The following FSHR variants were observed in gnomAD, a reference collection of about 807,000 sequenced individuals.
The protein encoded by FSHR is follicle stimulating hormone receptor, also known as follicle-stimulating hormone receptor.
In FSHR, 46 loss-of-function variants were observed where a neutral mutation model predicts 52.1. The ratio of observed to expected loss-of-function variants is 0.88; its 90% confidence interval spans 0.70 to 1.13. The LOEUF is 1.13. FSHR is among the 50% of genes most tolerant of loss of function. The probability of loss-of-function intolerance (pLI) is 0.00; values close to 1 mark genes in which losing one functional copy is unlikely to be tolerated. For synonymous variants in FSHR, 399 were observed against 309.6 expected, an observed-to-expected ratio of 1.29 and a Z score of -3.03; for missense variants, 964 against 834.6, an observed-to-expected ratio of 1.16 and a Z score of -1.91.
At chr2:49,084,384 G>C (rs1443993210) in intron 1 of FSHR, among the ~76,000 whole-genome samples, 1 of 152,114 alleles carries the variant, frequency 6.6e-6, no homozygotes, top group Non-Finnish European at 1.5e-5. Flanking sequence ...ATGCCCACAA[G>C]AGAAAGTAGG....
At chr2:49,061,705 ATT>A (rs1408481606) in intron 2 of FSHR, among the ~76,000 whole-genome samples, 2 of 140,252 alleles carry the variant, frequency 1.4e-5, no homozygotes, top group East Asian at 2.0e-4. Flanking sequence ...ATTTATATAT[ATT>A]ATATATAACT....
chr2:49,082,373 A>G (rs1196757784), intron 1 of FSHR, among the ~76,000 whole-genome samples: 3 of 152,196 alleles, frequency 2.0e-5, no homozygotes, highest in Non-Finnish European at 4.4e-5. Flanking sequence ...GACCAAAAGT[A>G]GATAAAACCA....
chr2:49,027,850 CAAAAA>C (rs397868435), intron 2 of FSHR, among the ~76,000 whole-genome samples: 3 of 49,978 alleles, frequency 6.0e-5, no homozygotes, highest in Admixed American at 4.4e-4. Context: ...ACTCTTTCTC[CAAAAA>C]AAAAAAAAAA....
intron 1 of FSHR, among the ~76,000 whole-genome samples, chr2:49,141,713 A>C (rs1672694311): frequency 6.6e-6 from 1 of 152,180 alleles, no homozygotes; most frequent in Non-Finnish European, 1.5e-5. Flanking sequence ...GAGACAAAAT[A>C]ATACATAAGT....
intron 2 of FSHR, among the ~76,000 whole-genome samples, chr2:49,036,013 C>CT (rs1267573824): frequency 6.6e-6 from 1 of 152,220 alleles, no homozygotes; most frequent in Non-Finnish European, 1.5e-5. Flanking sequence ...TACTCCCTTT[C>CT]TTTCTTCTCA....
intron 1 of FSHR, among the ~76,000 whole-genome samples, chr2:49,145,021 G>T (rs1672819628): frequency 6.6e-6 from 1 of 152,028 alleles, no homozygotes; most frequent in Non-Finnish European, 1.5e-5. Flanking sequence ...GATTAGCTCT[G>T]GTCTTTTACT....
chr2:49,011,187 C>T (rs966803270), intron 4 of FSHR, among the ~76,000 whole-genome samples: 1 of 151,010 alleles, frequency 6.6e-6, no homozygotes, highest in African/African-American at 2.4e-5. Flanking sequence ...TTTCCCTCTA[C>T]ACACTGCTTT....
intron 1 of FSHR, among the ~76,000 whole-genome samples, chr2:49,148,518 G>A (rs964555087): frequency 1.1e-4 from 16 of 151,914 alleles, no homozygotes; most frequent in Non-Finnish European, 2.1e-4. Flanking sequence ...AATACACATC[G>A]TATTGAACCA....
chr2:48,982,030 T>C (rs918244246), intron 8 of FSHR, among the ~76,000 whole-genome samples: 3 of 152,230 alleles, frequency 2.0e-5, no homozygotes, highest in Non-Finnish European at 4.4e-5. Flanking sequence ...TTTCTTCATC[T>C]TGAAGTACTT....
At chr2:48,974,049 G>A (rs1482430250) in intron 8 of FSHR, among the ~76,000 whole-genome samples, 2 of 151,680 alleles carry the variant, frequency 1.3e-5, no homozygotes, top group African/African-American at 4.9e-5. Flanking sequence ...AAAATGAGAG[G>A]CTGGAGAAAA....
chr2:49,066,816 T>A (rs537007148), intron 2 of FSHR, among the ~76,000 whole-genome samples: 74 of 152,258 alleles, frequency 4.9e-4, no homozygotes, highest in African/African-American at 1.8e-3. Context: ...AATGCCTGTC[T>A]TTAGAATTCT....
At chr2:49,113,076 C>T (rs567945459) in intron 1 of FSHR, among the ~76,000 whole-genome samples, 56 of 152,194 alleles carry the variant, frequency 3.7e-4, no homozygotes, top group African/African-American at 1.3e-3. Context: ...GCCAGGGCAG[C>T]GCTCTAGAGG....
At chr2:48,981,852 A>G (rs1675261346) in intron 8 of FSHR, among the ~76,000 whole-genome samples, 1 of 152,214 alleles carries the variant, frequency 6.6e-6, no homozygotes, top group Non-Finnish European at 1.5e-5. Context: ...ATGGTAGCCT[A>G]TGCTAACTGC....
chr2:49,060,829 A>G (rs941033490), intron 2 of FSHR, among the ~76,000 whole-genome samples: 4 of 152,060 alleles, frequency 2.6e-5, no homozygotes, highest in African/African-American at 9.7e-5. Context: ...CCCGGCCCAA[A>G]CTAGAGCTGT....
intron 1 of FSHR, among the ~76,000 whole-genome samples, chr2:49,073,373 T>G (rs909843167): frequency 3.9e-5 from 6 of 151,982 alleles, no homozygotes; most frequent in Non-Finnish European, 7.4e-5. Context: ...GTGGGATAAA[T>G]TAATATACAA....
chr2:48,962,956 T>C lies in FSHR; in HGVS notation c.1865A>G (p.Asn622Ser). 6.2e-7 allele frequency: 1 copy of C among 1,613,944 alleles called. No individual in the cohort carries two copies. The highest frequency in any genetic ancestry group is 8.5e-7 in the Non-Finnish European group (1 of 1,179,990). Reference sequence around the variant, plus strand: ...GGTAAAGATGGCATAGAGGAAGGGGTTGGCACAGGAGTTGATGGGGTGAAA... The same window carrying C: ...GGTAAAGATGGCATAGAGGAAGGGGCTGGCACAGGAGTTGATGGGGTGAAA... ...VLFHPINSCA[N>S]PFLYAIFTKN... Residue 622 changes from asparagine (N) to serine (S), a missense_variant, in exon 10 of 10, where the codon AAC becomes AGC. Coordinates refer to ENST00000406846, the MANE Select transcript of FSHR (RefSeq NM_000145.4).
intron 1 of FSHR, among the ~76,000 whole-genome samples, chr2:49,077,843 C>G (rs1439899292): frequency 6.6e-6 from 1 of 152,176 alleles, no homozygotes; most frequent in African/African-American, 2.4e-5. Context: ...CACCTTTGTT[C>G]CAGTTACCAA....
At chr2:48,975,713 G>A (rs568723550) in intron 8 of FSHR, among the ~76,000 whole-genome samples, 46 of 152,288 alleles carry the variant, frequency 3.0e-4, no homozygotes, top group Middle Eastern at 3.4e-3. Flanking sequence ...TCCCTTGTAA[G>A]TTGTATTCCT....
At chr2:49,030,929 CT>C (rs1668079290) in intron 2 of FSHR, among the ~76,000 whole-genome samples, 1 of 152,136 alleles carries the variant, frequency 6.6e-6, no homozygotes. Flanking sequence ...TAAATGCTTC[CT>C]ATTTTATGAG....
Sources: gnomAD v4.1 joint callset for allele counts (sites outside exome capture counted in the v4.1 genomes callset) on GRCh38, gnomAD v4.1.1 for gene constraint, MANE v1.5 for transcripts, NCBI Gene and HGNC (gene_info 2026-07-23, HGNC 2026-07-21) for gene names.